The following RNF150 variants were observed in gnomAD, a reference collection of about 807,000 sequenced individuals.
RNF150 encodes the protein ring finger protein 150.
In RNF150, 24 loss-of-function variants were observed where a neutral mutation model predicts 39.3. That is an observed-to-expected ratio of 0.61 (90% CI 0.44 to 0.86). The LOEUF (loss-of-function observed/expected upper bound fraction) is 0.86. Ranked by LOEUF, RNF150 falls within the 40% of genes least tolerant of loss-of-function variation. RNF150 has a pLI of 0.00. For synonymous variants in RNF150, 255 were observed against 227.3 expected (o/e 1.12, Z -1.10); for missense variants, 502 against 587.8 (o/e 0.85, Z 1.51).
intron 1 of RNF150, among the ~76,000 whole-genome samples, chr4:140,999,895 G>A (rs150967238): frequency 0.053 from 7,437 of 141,192 alleles, 437 homozygotes; most frequent in Middle Eastern, 0.13. Context: ...CCGAGATCAC[G>A]CCACTGCACT....
intron 1 of RNF150, among the ~76,000 whole-genome samples, chr4:141,091,005 G>C (rs1042983608): frequency 1.3e-5 from 2 of 152,060 alleles, no homozygotes; most frequent in African/African-American, 2.4e-5. Flanking sequence ...TATTCTACTT[G>C]GTGAGTCCAC....
chr4:140,967,834 T>C lies in RNF150; in HGVS notation c.524A>G (p.Lys175Arg). 1 of 1,613,364 alleles carries C rather than the reference T, an allele frequency of 6.2e-7. No homozygotes were observed. Among genetic ancestry groups the C allele is most frequent in the Non-Finnish European group, 8.5e-7 (1 of 1,179,538 alleles). Residue 175 changes from lysine to arginine, a missense_variant, in exon 2 of 7, where the codon AAA (lysine) becomes AGA (arginine). Lys to Arg is a conservative substitution (Grantham distance 26). Coordinates refer to ENST00000515673, the MANE Select transcript of RNF150 (RefSeq NM_020724.2). ...DIVAIMIPEPKGKEIVSLLER... is the reference protein window; with the variant it reads ...DIVAIMIPEPRGKEIVSLLER... ...CAGCAGGCTTACTATCTCCTTCCCT[T>C]TTGGCTCAGGAATCATTATGGCCAC...
intron 1 of RNF150, among the ~76,000 whole-genome samples, chr4:140,988,251 G>A (rs1431403642): frequency 2.0e-5 from 3 of 152,002 alleles, no homozygotes; most frequent in Non-Finnish European, 4.4e-5. Context: ...CCAATTACTG[G>A]GTATACCCAA....
chr4:141,192,169 GC>G (rs1444611287), intron 1 of RNF150, among the ~76,000 whole-genome samples: 1 of 152,064 alleles, frequency 6.6e-6, no homozygotes, highest in African/African-American at 2.4e-5. Context: ...TTGCCTTACT[GC>G]AAAAAGCCCT....
At chr4:140,893,802 T>C (rs1236392024) in intron 6 of RNF150, among the ~76,000 whole-genome samples, 1 of 152,152 alleles carries the variant, frequency 6.6e-6, no homozygotes, top group Admixed American at 6.5e-5. Context: ...TGACTAAACA[T>C]GTACACAATA....
intron 1 of RNF150, among the ~76,000 whole-genome samples, chr4:141,049,829 A>G (rs1736711582): frequency 6.6e-6 from 1 of 152,160 alleles, no homozygotes; most frequent in Non-Finnish European, 1.5e-5. Flanking sequence ...GGGGAAAGCC[A>G]AGTATATTAG....
chr4:140,871,424 C>T (rs1187389137), intron 6 of RNF150, among the ~76,000 whole-genome samples: 1 of 152,044 alleles, frequency 6.6e-6, no homozygotes, highest in Non-Finnish European at 1.5e-5. Context: ...TGGGAGAATT[C>T]CCACTTGGAG....
intron 1 of RNF150, among the ~76,000 whole-genome samples, chr4:141,035,078 A>G (rs1736090552): frequency 6.6e-6 from 1 of 152,238 alleles, no homozygotes; most frequent in African/African-American, 2.4e-5. Context: ...GTATAATTAC[A>G]GTATCTTTCC....
chr4:140,926,417 T>C (rs72935354), intron 4 of RNF150, among the ~76,000 whole-genome samples: 2,447 of 152,320 alleles, frequency 0.016, 80 homozygotes, highest in African/African-American at 0.056. Context: ...CCTTGTAGGA[T>C]GACTTGATTG....
intron 1 of RNF150, among the ~76,000 whole-genome samples, chr4:141,019,821 A>G (rs1426425308): frequency 6.6e-6 from 1 of 152,160 alleles, no homozygotes; most frequent in African/African-American, 2.4e-5. Flanking sequence ...TCTCAAATTG[A>G]CAGAGAAGGC....
At position 141,132,981 on chromosome 4, in the gene RNF150, G is replaced by A. The variant is rs975139064; in HGVS notation, c.-173C>T. The A allele has an allele frequency of 2.3e-5, 13 of 566,952 alleles. No individual in the cohort carries two copies. Among genetic ancestry groups the A allele is most frequent in the African/African-American group, 1.4e-4 (7 of 49,172 alleles). The allele number at this position is 566,952 out of a possible 1,614,324, so 35.1% of individuals were successfully genotyped here. On this transcript the variant is annotated 5_prime_UTR_variant, in exon 1 of 7. Transcript: ENST00000515673. The surrounding 1 kb of genome is among the most constrained non-coding windows in gnomAD (Gnocchi z 4.9). ...GCCGCGGGGACCGGATTCCGGGCGA[G>A]CGGATGGCGCTGGCCCCTTCCCCTC...
At chr4:141,082,810 G>T (rs1033113986) in intron 1 of RNF150, among the ~76,000 whole-genome samples, 2 of 151,924 alleles carry the variant, frequency 1.3e-5, no homozygotes, top group Non-Finnish European at 2.9e-5. Flanking sequence ...GGATGGTCTC[G>T]ATCTCCTGAC....
intron 1 of RNF150, among the ~76,000 whole-genome samples, chr4:141,016,757 T>C (rs1286425987): frequency 6.6e-6 from 1 of 152,202 alleles, no homozygotes; most frequent in African/African-American, 2.4e-5. Flanking sequence ...TTGCTTTTCC[T>C]GTCCCTGGCC....
chr4:140,902,123 G>A (rs1212122830), intron 6 of RNF150, among the ~76,000 whole-genome samples: 1 of 152,206 alleles, frequency 6.6e-6, no homozygotes, highest in Non-Finnish European at 1.5e-5. Context: ...CAGACTGGAG[G>A]ATGGTAGGAC....
intron 5 of RNF150, among the ~76,000 whole-genome samples, chr4:140,918,333 G>C (rs574046012): frequency 1.3e-5 from 2 of 151,880 alleles, no homozygotes; most frequent in East Asian, 3.9e-4. Context: ...GAATCAAATA[G>C]ACGCAATAAA....
intron 1 of RNF150, among the ~76,000 whole-genome samples, chr4:141,014,555 C>T (rs1010529459): frequency 8.5e-5 from 13 of 152,204 alleles, no homozygotes; most frequent in Admixed American, 8.5e-4. Context: ...GGTAATACCT[C>T]ATTGCAGTTT....
At chr4:141,073,781 T>C (rs944409626) in intron 1 of RNF150, among the ~76,000 whole-genome samples, 1 of 152,156 alleles carries the variant, frequency 6.6e-6, no homozygotes, top group African/African-American at 2.4e-5. Flanking sequence ...ATCCTAGCTA[T>C]AAGGAAGGGT....
At chr4:141,207,992 T>G (rs1479680822) in intron 1 of RNF150, among the ~76,000 whole-genome samples, 1 of 152,102 alleles carries the variant, frequency 6.6e-6, no homozygotes, top group Non-Finnish European at 1.5e-5. Context: ...GAAACAAAAG[T>G]CAGGAAAACT....
rs866003132 is a variant in RNF150, at chr4:140,976,795, T to A, written c.485-8922A>T. On this transcript the variant is annotated intron_variant, in intron 1 of 6. Coordinates refer to ENST00000515673, the MANE Select transcript of RNF150 (RefSeq NM_020724.2). ...CTCCATGGAACCTGCCCTACAAAATTTGCTTTTTCTATGCTTCCACCTCTT... is the reference window on the plus strand; with the variant it reads ...CTCCATGGAACCTGCCCTACAAAATATGCTTTTTCTATGCTTCCACCTCTT... 2.0e-5 allele frequency among the ~76,000 whole-genome samples: 3 copies of A among 152,168 alleles called. No homozygotes were observed. The South Asian group carries it at 6.3e-4, about 32-fold the overall frequency.
Sources: allele counts gnomAD v4.1 joint callset (sites outside exome capture counted in the v4.1 genomes callset), GRCh38; gene constraint gnomAD v4.1.1; non-coding constraint Gnocchi (gnomAD v3.1); transcripts MANE v1.5; gene names NCBI Gene and HGNC (gene_info 2026-07-23, HGNC 2026-07-21).